Variants in MYO16 observed in about 807,000 individuals in gnomAD.
MYO16 encodes the protein myosin XVI.
Under a neutral mutation model 205.3 loss-of-function variants are expected in MYO16, and 94 were observed. The ratio of observed to expected loss-of-function variants is 0.46; its 90% CI spans 0.39 to 0.54. The LOEUF (loss-of-function observed/expected upper bound fraction) is 0.54, where lower values mean the gene tolerates loss of function less well. MYO16 is among the 20% of genes least tolerant of loss of function. The pLI is 0.00. For missense variants in MYO16, 2,315 were observed against 2,387.5 expected (o/e 0.97, Z 0.63); for synonymous variants, 988 against 954.0 (o/e 1.04, Z -0.66).
At chr13:108,649,519 T>A (rs1880905431) in intron 1 of MYO16, among the ~76,000 whole-genome samples, 1 of 152,160 alleles carries the variant, frequency 6.6e-6, no homozygotes, top group Non-Finnish European at 1.5e-5. Flanking sequence ...ATCTGTATAA[T>A]GGAGTAGCAG....
chr13:109,091,364 C>T (rs1343210819), intron 27 of MYO16, among the ~76,000 whole-genome samples: 1 of 152,190 alleles, frequency 6.6e-6, no homozygotes, highest in East Asian at 1.9e-4. Context: ...AATGTTGCTG[C>T]CTGCAAGCTT....
intron 1 of MYO16, among the ~76,000 whole-genome samples, chr13:108,636,102 G>T (rs1251105018): frequency 2.0e-5 from 3 of 151,852 alleles, no homozygotes; most frequent in African/African-American, 7.3e-5. Context: ...ATTTGCTTTT[G>T]TCGCATTCTA....
chr13:108,517,927 C>T, the MYO16 span, among the ~76,000 whole-genome samples: 4 of 152,112 alleles, frequency 2.6e-5, no homozygotes, highest in African/African-American at 7.2e-5. Flanking sequence ...CAAGGGAACT[C>T]GCTCCAGCCT....
chr13:108,527,269 A>C, the MYO16 span, among the ~76,000 whole-genome samples: 1 of 152,196 alleles, frequency 6.6e-6, no homozygotes, highest in Non-Finnish European at 1.5e-5. Context: ...CTCTTAGCAA[A>C]GGGATTTCAT....
rs559968177 is a variant in MYO16, at chr13:109,042,083, C to A, written c.2797-4833C>A. Among the ~76,000 whole-genome samples, 351 of 152,074 alleles carry A rather than the reference C, an allele frequency of 2.3e-3. 1 individual carries two copies. The highest frequency in any genetic ancestry group is 7.9e-3 in the African/African-American group (328 of 41,482). ...TTTGCCATGTTGACCAGGCTGATCT[C>A]GAACTCTTGACCTCAAGTGATCCAC... On this transcript the variant is annotated intron_variant, in intron 23 of 34. Transcript: ENST00000457511.
intron 21 of MYO16, among the ~76,000 whole-genome samples, chr13:108,995,018 A>T (rs1478906394): frequency 6.6e-6 from 1 of 152,334 alleles, no homozygotes; most frequent in Non-Finnish European, 1.5e-5. Context: ...CATCTAAAAG[A>T]TGAGATACTA....
At chr13:108,839,521 A>AT (rs1877120154) in intron 9 of MYO16, among the ~76,000 whole-genome samples, 1 of 152,186 alleles carries the variant, frequency 6.6e-6, no homozygotes, top group African/African-American at 2.4e-5. Context: ...TGCAAGGCAT[A>AT]TGTAGATAGC....
intron 4 of MYO16, among the ~76,000 whole-genome samples, chr13:108,740,272 A>G (rs1473408306): frequency 1.3e-5 from 2 of 149,624 alleles, no homozygotes; most frequent in African/African-American, 4.9e-5. Flanking sequence ...TGTTTTGTCT[A>G]CCTTTGGTCT....
At chr13:109,058,267 A>T (rs1447684478) in intron 27 of MYO16, among the ~76,000 whole-genome samples, 1 of 152,070 alleles carries the variant, frequency 6.6e-6, no homozygotes, top group Non-Finnish European at 1.5e-5. Flanking sequence ...CTTGGTGATC[A>T]AAGCAAACTT....
Position 109,000,425 on chromosome 13 carries a change from C to G in MYO16, c.2442+7977C>G, listed in dbSNP as rs372184760. On this transcript the variant is annotated intron_variant, in intron 21 of 34. Transcript: ENST00000457511. ...GATGTGTGAGGCCGCAGGAGCTGCT[C>G]CAGCACAGGCCATGCTGTCAGTTTG... Among the ~76,000 whole-genome samples, 251 of 152,292 alleles carry G rather than the reference C, an allele frequency of 1.6e-3. 9 individuals carry two copies. The South Asian group carries it at 0.049, about 30-fold the overall frequency.
At chr13:108,995,835 A>G (rs966506408) in intron 21 of MYO16, among the ~76,000 whole-genome samples, 4 of 152,166 alleles carry the variant, frequency 2.6e-5, no homozygotes, top group African/African-American at 7.2e-5. Context: ...AATCCAGTCT[A>G]TCATTGATGG....
intron 16 of MYO16, among the ~76,000 whole-genome samples, chr13:108,919,532 G>T (rs2053728874): frequency 1.2e-5 from 1 of 86,142 alleles, no homozygotes; most frequent in Non-Finnish European, 2.7e-5. Flanking sequence ...GGGTGGAGTT[G>T]GTTATCATTG....
At chr13:109,011,935 G>A (rs1885616715) in intron 22 of MYO16, among the ~76,000 whole-genome samples, 1 of 152,128 alleles carries the variant, frequency 6.6e-6, no homozygotes, top group Non-Finnish European at 1.5e-5. Flanking sequence ...TAGTGGTATG[G>A]TTTGGTAACC....
chr13:109,065,187 A>G (rs1463621153), intron 27 of MYO16, among the ~76,000 whole-genome samples: 1 of 152,190 alleles, frequency 6.6e-6, no homozygotes, highest in African/African-American at 2.4e-5. Context: ...GGACAAGGAA[A>G]GAAGCTTGCA....
intron 5 of MYO16, among the ~76,000 whole-genome samples, chr13:108,786,299 C>T (rs554172652): frequency 2.0e-5 from 3 of 152,240 alleles, no homozygotes; most frequent in Admixed American, 1.3e-4. Context: ...ATGCATTCAC[C>T]GACAAAGGAT....
At chr13:109,098,273 A>G (rs2139705366) in intron 27 of MYO16, among the ~76,000 whole-genome samples, 1 of 152,368 alleles carries the variant, frequency 6.6e-6, no homozygotes, top group South Asian at 2.1e-4. Flanking sequence ...TAATCAAAAT[A>G]GGAACCATTA....
At chr13:108,946,291 A>C (rs1191856744) in intron 16 of MYO16, among the ~76,000 whole-genome samples, 1 of 152,110 alleles carries the variant, frequency 6.6e-6, no homozygotes, top group Non-Finnish European at 1.5e-5. Context: ...TTTTGGCAAA[A>C]AAAAAAGGGG....
intron 2 of MYO16, among the ~76,000 whole-genome samples, chr13:108,702,802 G>A (rs1248156942): frequency 6.6e-6 from 1 of 152,108 alleles, no homozygotes; most frequent in African/African-American, 2.4e-5. Context: ...TAGTGGTAGA[G>A]GGGACAGCTG....
intron 3 of MYO16, among the ~76,000 whole-genome samples, chr13:108,726,475 C>A (rs1403445003): frequency 4.0e-5 from 6 of 151,664 alleles, no homozygotes; most frequent in Admixed American, 3.9e-4. Context: ...AGGAGAATTA[C>A]TTGAACCTGG....
Sources: allele counts gnomAD v4.1 joint callset (sites outside exome capture counted in the v4.1 genomes callset), GRCh38; gene constraint gnomAD v4.1.1; transcripts MANE v1.5; gene names NCBI Gene and HGNC (gene_info 2026-07-23, HGNC 2026-07-21).